Variants in ULK4 observed in about 807,000 individuals in gnomAD.
ULK4 encodes the protein unc-51 like kinase 4.
A neutral mutation model predicts 160.6 loss-of-function variants in ULK4; 133 were observed. The ratio of observed to expected loss-of-function variants is 0.83; its 90% CI spans 0.72 to 0.96. ULK4 has a LOEUF of 0.96. Among genes scored for constraint, ULK4 ranks in the 40% least tolerant of loss-of-function variants. ULK4 has a pLI of 0.00. For missense variants in ULK4, 1,580 were observed against 1,499.5 expected (o/e 1.05, Z -0.89); for synonymous variants, 534 against 539.8 (o/e 0.99, Z 0.15).
At chr3:41,906,997 A>C (rs1010902809) in intron 12 of ULK4, among the ~76,000 whole-genome samples, 4 of 152,236 alleles carry the variant, frequency 2.6e-5, no homozygotes, top group Admixed American at 2.6e-4. Context: ...CTCCAAAAAA[A>C]AAGAAAGAAA....
rs536460555 is a variant in ULK4, at chr3:41,655,269, T to C, written c.3071+8338A>G. On this transcript the variant is annotated intron_variant, in intron 30 of 36. Coordinates refer to ENST00000301831, the MANE Select transcript of ULK4 (RefSeq NM_017886.4). ...GGAAACCATCATTCTCAGCAAACTA[T>C]CGCAAGGACAAAAAACCAAACACCG... Among the ~76,000 whole-genome samples, 4 of 150,462 alleles carry C rather than the reference T, an allele frequency of 2.7e-5. No homozygotes were observed. The East Asian group carries it at 7.9e-4, about 30-fold the overall frequency.
chr3:41,746,513 TAGAG>T (rs1442584807), intron 22 of ULK4, among the ~76,000 whole-genome samples: 11 of 149,340 alleles, frequency 7.4e-5, no homozygotes, highest in East Asian at 5.8e-4. Flanking sequence ...ACTAAATAAA[TAGAG>T]AGAGACACCA....
chr3:41,363,952 A>G (rs2081200873), intron 35 of ULK4, among the ~76,000 whole-genome samples: 1 of 150,402 alleles, frequency 6.6e-6, no homozygotes, highest in Non-Finnish European at 1.5e-5. Flanking sequence ...TTCTGTAGAT[A>G]CAGGGTCTCA....
intron 22 of ULK4, among the ~76,000 whole-genome samples, chr3:41,744,840 G>T (rs947618724): frequency 5.9e-5 from 9 of 151,470 alleles, no homozygotes; most frequent in African/African-American, 2.2e-4. Flanking sequence ...AAATTTAAAA[G>T]AACTGAAATC....
At chr3:41,843,540 G>C (rs1033954134) in intron 17 of ULK4, among the ~76,000 whole-genome samples, 1 of 152,216 alleles carries the variant, frequency 6.6e-6, no homozygotes, top group East Asian at 1.9e-4. Context: ...GGACCTTCAT[G>C]GTGAGTGTTA....
chr3:41,247,098 C>G, intron 36 of ULK4, 106 bp from the exon 37 acceptor site: 7 of 1,042,926 alleles, frequency 6.7e-6, no homozygotes, highest in Non-Finnish European at 1.0e-5. Flanking sequence ...TCTGGTGGAC[C>G]AGCTGCAGCA....
intron 2 of ULK4, among the ~76,000 whole-genome samples, chr3:41,941,113 A>G (rs1238063351): frequency 6.6e-6 from 1 of 150,728 alleles, no homozygotes; most frequent in Non-Finnish European, 1.5e-5. Flanking sequence ...GGCTCACTGC[A>G]GCCTTCATCT....
At chr3:41,881,622 T>C (rs1697524671) in intron 17 of ULK4, among the ~76,000 whole-genome samples, 1 of 152,178 alleles carries the variant, frequency 6.6e-6, no homozygotes, top group Admixed American at 6.5e-5. Flanking sequence ...CTCTCTATTA[T>C]CCAACCAAAT....
At chr3:41,404,184 A>G (rs2082245204) in intron 34 of ULK4, among the ~76,000 whole-genome samples, 1 of 149,240 alleles carries the variant, frequency 6.7e-6, no homozygotes. Flanking sequence ...GAAAGCCCCA[A>G]CTATCATTGT....
intron 32 of ULK4, among the ~76,000 whole-genome samples, chr3:41,544,931 G>A (rs1168859183): frequency 6.6e-6 from 1 of 152,144 alleles, no homozygotes; most frequent in Non-Finnish European, 1.5e-5. Flanking sequence ...AAGAGAGGAC[G>A]GGGTCAGACT....
chr3:41,513,336 T>C (rs1022873616), intron 32 of ULK4, among the ~76,000 whole-genome samples: 9 of 151,924 alleles, frequency 5.9e-5, no homozygotes, highest in South Asian at 4.2e-4. Context: ...TGCACAGCAA[T>C]AGAAATAATC....
intron 32 of ULK4, among the ~76,000 whole-genome samples, chr3:41,496,267 T>G (rs2084984543): frequency 6.6e-6 from 1 of 152,138 alleles, no homozygotes; most frequent in African/African-American, 2.4e-5. Context: ...TAAGGAAGAC[T>G]GCGATATACA....
chr3:41,812,356 G>A lies in ULK4; in HGVS notation c.1848+7067C>T, dbSNP rs771711430. On this transcript the variant is annotated intron_variant, in intron 19 of 36. Coordinates refer to ENST00000301831, the MANE Select transcript of ULK4 (RefSeq NM_017886.4). Reference sequence around the variant, plus strand: ...AGACATGTTAGATCTTTTTGTCCTCGTTACAGATGTAAATGATCAGATGGA... The same window carrying A: ...AGACATGTTAGATCTTTTTGTCCTCATTACAGATGTAAATGATCAGATGGA... Among the ~76,000 whole-genome samples the A allele has an allele frequency of 7.2e-5, 11 of 152,064 alleles. 1 individual carries two copies. The South Asian group carries it at 8.3e-4, about 11-fold the overall frequency.
rs748796559 is a variant in ULK4 at position 41,705,296 on chromosome 3, T to A, written c.2644A>T (p.Lys882Ter). 5.0e-6 allele frequency: 8 copies of A among 1,609,444 alleles called. No homozygotes were observed. The Admixed American group carries it at 1.0e-4, about 20-fold the overall frequency. Reference sequence around the variant, plus strand: ...TTCGTTTCTCCTGAGTCTACAGATTTAATATGACTCTGAAAAAAAATAAAT... The same window carrying A: ...TTCGTTTCTCCTGAGTCTACAGATTAAATATGACTCTGAAAAAAAATAAAT... The part of the protein sequence containing the change: ...FSYGTILSHI[K>*]SVDSGETNID... Residue 882 changes from lysine to a stop codon, truncating the protein, a stop_gained, in exon 26 of 37, where the codon AAA (lysine) becomes TAA (stop). Transcript: ENST00000301831. LOFTEE classifies it high-confidence loss of function.
chr3:41,900,179 G>T lies in ULK4; in HGVS notation c.1287+546C>A, dbSNP rs77426320. 7.9e-5 allele frequency among the ~76,000 whole-genome samples: 12 copies of T among 151,880 alleles called. No individual in the cohort carries two copies. In the East Asian group the frequency reaches 2.1e-3, roughly 27 times the overall value. On this transcript the variant is annotated intron_variant, in intron 13 of 36. Transcript: ENST00000301831. ...ACAAGAAGCAAAAAAACTCACACTG[G>T]TTTAGAAGTACATTGTGAACTACAA...
intron 18 of ULK4, among the ~76,000 whole-genome samples, chr3:41,833,958 G>A (rs1344866773): frequency 6.6e-6 from 1 of 151,824 alleles, no homozygotes; most frequent in East Asian, 1.9e-4. Flanking sequence ...GTTTCTACCT[G>A]TTGCCTAAAA....
intron 35 of ULK4, among the ~76,000 whole-genome samples, chr3:41,371,614 G>A (rs749713867): frequency 6.6e-6 from 1 of 152,060 alleles, no homozygotes; most frequent in African/African-American, 2.4e-5. Flanking sequence ...CAACAAAAAG[G>A]ACAACCACGC....
intron 19 of ULK4, among the ~76,000 whole-genome samples, chr3:41,812,976 A>G (rs574177839): frequency 6.6e-6 from 1 of 152,372 alleles, no homozygotes; most frequent in East Asian, 1.9e-4. Flanking sequence ...GAATTTCCAC[A>G]TGTCTAGAAA....
intron 19 of ULK4, among the ~76,000 whole-genome samples, chr3:41,809,489 T>C (rs115828557): frequency 0.011 from 1,742 of 152,338 alleles, 28 homozygotes; most frequent in African/African-American, 0.039. Context: ...ATTGAAAAAG[T>C]AGGCGTGTAG....
Sources: allele counts gnomAD v4.1 joint callset (sites outside exome capture counted in the v4.1 genomes callset), GRCh38; gene constraint gnomAD v4.1.1; transcripts MANE v1.5; gene names NCBI Gene and HGNC (gene_info 2026-07-23, HGNC 2026-07-21).